NPLOC4: variants seen among roughly 807,000 people sequenced by gnomAD.
NPLOC4 encodes the protein nuclear protein localization protein 4 homolog.
NPLOC4 carries 18 observed loss-of-function variants against 80.6 expected under a neutral mutation model. The ratio of observed to expected loss-of-function variants is 0.22; its 90% CI spans 0.15 to 0.33. NPLOC4 has a LOEUF of 0.33. Ranked by LOEUF, NPLOC4 falls within the 10% of genes least tolerant of loss-of-function variation. The probability of loss-of-function intolerance (pLI) is 1.00; values close to 1 mark genes in which losing one functional copy is unlikely to be tolerated. For missense variants in NPLOC4, 540 were observed against 786.1 expected, an observed-to-expected ratio of 0.69 and a Z score of 3.74; for synonymous variants, 313 against 301.5, an observed-to-expected ratio of 1.04 and a Z score of -0.39.
In NPLOC4 at chr17:81,623,910, T is replaced by G. The variant is rs2035732703; in HGVS notation, c.97-1632A>C. Reference sequence around the variant, plus strand: ...TTTGCTAGATGCTGGGAATATTCACTCATTCCTTCAACAAATATTAAGCAG... The same window carrying G: ...TTTGCTAGATGCTGGGAATATTCACGCATTCCTTCAACAAATATTAAGCAG... On this transcript the variant is annotated intron_variant, in intron 2 of 16. Transcript: ENST00000331134. 2.0e-5 allele frequency among the ~76,000 whole-genome samples: 3 copies of G among 152,154 alleles called. No homozygotes were observed. The South Asian group carries it at 6.2e-4, about 31-fold the overall frequency.
intron 2 of NPLOC4, 66 bp from the exon 3 acceptor site, chr17:81,622,344 C>T (rs2035692062): frequency 5.4e-6 from 6 of 1,115,710 alleles, no homozygotes; most frequent in East Asian, 2.3e-5. Context: ...ATACCATACA[C>T]ACCAGACACT....
In NPLOC4 at chr17:81,618,342, G is replaced by C. The variant is rs748343326; in HGVS notation, c.209+3824C>G. Among the ~76,000 whole-genome samples the C allele has an allele frequency of 4.2e-3, 630 of 150,474 alleles. 1 individual carries two copies. Among genetic ancestry groups the C allele is most frequent in the South Asian group, 0.016 (74 of 4,740 alleles). ...TGGGATGTGAGGAGCGCCTCTGCCT[G>C]GCCGCGACCCCGTCTGGGAGGTGAG... On this transcript the variant is annotated intron_variant, in intron 3 of 16. Transcript: ENST00000331134.
intron 12 of NPLOC4, among the ~76,000 whole-genome samples, chr17:81,574,663 C>T (rs970165298): frequency 6.6e-6 from 1 of 152,138 alleles, no homozygotes; most frequent in African/African-American, 2.4e-5. Flanking sequence ...GAAGCAGTGG[C>T]GCCAAGGTCT....
intron 13 of NPLOC4, among the ~76,000 whole-genome samples, chr17:81,570,375 A>C (rs574320492): frequency 1.4e-3 from 209 of 152,320 alleles, no homozygotes; most frequent in African/African-American, 4.8e-3. Context: ...AGCTGAAGAC[A>C]GGGGAGGTGC....
In NPLOC4 at chr17:81,567,476, T is replaced by C; in HGVS notation, c.1507A>G (p.Thr503Ala). Residue 503 changes from threonine (T) to alanine (A), a missense_variant, in exon 15 of 17, where the codon ACC (threonine) becomes GCC (alanine). By Grantham distance (58) the Thr-to-Ala change is moderately conservative. Transcript: ENST00000331134. This position sits in a 1 kb window ranked among gnomAD's most constrained non-coding sequence, Gnocchi z 4.5. ...SQNTSSVFLD[T>A]ISDFHLLLFL... The stretch of plus-strand genomic sequence containing the variant: ...AGCAAGAGGTGGAAATCTGAGATGG[T>C]ATCCAAGAACACAGATGAGGTATTC... The C allele has an allele frequency of 6.2e-7, 1 of 1,613,814 alleles. No homozygotes were observed. The highest frequency in any genetic ancestry group is 1.7e-5 in the Admixed American group (1 of 59,988).
chr17:81,560,338 G>A (rs12948497), intron 16 of NPLOC4, among the ~76,000 whole-genome samples: 3,100 of 152,178 alleles, frequency 0.02, 48 homozygotes, highest in South Asian at 0.055. Flanking sequence ...CCATGAACCC[G>A]GGAGGGGAAG....
At chr17:81,585,359 T>C (rs964724810) in intron 12 of NPLOC4, among the ~76,000 whole-genome samples, 1 of 151,786 alleles carries the variant, frequency 6.6e-6, no homozygotes, top group Non-Finnish European at 1.5e-5. Context: ...TATAGCTGAT[T>C]ATCCACATCG....
At chr17:81,587,515 C>T (rs1484810718) in intron 12 of NPLOC4, among the ~76,000 whole-genome samples, 1 of 149,982 alleles carries the variant, frequency 6.7e-6, no homozygotes, top group Non-Finnish European at 1.5e-5. Context: ...CGGGGTTTCA[C>T]CGTGTTAGCC....
At chr17:81,568,970 A>T in intron 14 of NPLOC4, 46 bp downstream of exon 14, 5 of 1,172,942 alleles carry the variant, frequency 4.3e-6, no homozygotes, top group Non-Finnish European at 6.4e-6. Context: ...ACTAGATAAC[A>T]ATCAGCAGTT....
chr17:81,565,343 G>A, intron 16 of NPLOC4, 162 bp downstream of exon 16: 1 of 721,386 alleles, frequency 1.4e-6, no homozygotes, highest in Non-Finnish European at 2.5e-6. Context: ...CCACGTGCCT[G>A]GCAGGGAGGC....
intron 2 of NPLOC4, among the ~76,000 whole-genome samples, chr17:81,628,547 G>A (rs928710381): frequency 2.0e-5 from 3 of 151,832 alleles, no homozygotes; most frequent in Non-Finnish European, 4.4e-5. Context: ...ATAAACACAG[G>A]GCAAAACGAA....
chr17:81,581,840 A>T (rs919745928), intron 12 of NPLOC4, among the ~76,000 whole-genome samples: 6 of 152,228 alleles, frequency 3.9e-5, no homozygotes, highest in African/African-American at 1.4e-4. Context: ...CACACATCAC[A>T]CAGACGCAGG....
At chr17:81,623,614 C>T (rs182915996) in intron 2 of NPLOC4, among the ~76,000 whole-genome samples, 2,724 of 150,998 alleles carry the variant, frequency 0.018, 78 homozygotes, top group African/African-American at 0.062. Flanking sequence ...CTGGCTAACA[C>T]GGTGAAACCC....
At chr17:81,563,900 T>C (rs1307164737) in intron 16 of NPLOC4, 2 of 453,992 alleles carry the variant, frequency 4.4e-6, no homozygotes, top group South Asian at 1.6e-5. Context: ...AAGTGGGAGC[T>C]AAACATGGGT....
At chr17:81,562,548 A>T (rs1568113187) in intron 16 of NPLOC4, 1 of 152,050 alleles carries the variant, frequency 6.6e-6, no homozygotes, top group Non-Finnish European at 1.5e-5. Context: ...CAAAACAAAC[A>T]AACAAAAAAC....
chr17:81,572,179 A>T lies in NPLOC4; in HGVS notation c.1282-91T>A, dbSNP rs565656249. ...TGCTTGTCTCACCTTTTATTTAATT[A>T]ATTAATTTATTTATTTATTTATTTT... On this transcript the variant is annotated intron_variant, in intron 12 of 16. Transcript: ENST00000331134. The surrounding 1 kb of genome is among the most constrained non-coding windows in gnomAD (Gnocchi z 4.5). 4.1e-5 allele frequency: 24 copies of T among 591,656 alleles called. No homozygotes were observed. The highest frequency in any genetic ancestry group is 3.3e-4 in the African/African-American group (17 of 50,976). The allele number at this position is 591,656 out of a possible 1,614,324, so 36.7% of individuals were successfully genotyped here. A position where few individuals can be genotyped will look rare whatever the true frequency, so the allele number is the denominator to read the frequency against.
chr17:81,588,190 G>A (rs1471930450), intron 12 of NPLOC4: 1 of 152,178 alleles, frequency 6.6e-6, no homozygotes, highest in East Asian at 1.9e-4. Context: ...GAAGAAGACT[G>A]AAATGAAATG....
chr17:81,606,858 T>C lies in NPLOC4; in HGVS notation c.531-44A>G, dbSNP rs62074677. The C allele has an allele frequency of 0.097, 153,018 of 1,584,700 alleles. 7,893 individuals are homozygous for C. The highest frequency in any genetic ancestry group is 0.14 in the Middle Eastern group (802 of 5,760). On this transcript the variant is annotated intron_variant, in intron 6 of 16. Transcript: ENST00000331134. ...ACTTAAACATCACATTGGTGAAAAGTTGAGCAAGAGGCTGGAAATGACATG... is the reference window on the plus strand; with the variant it reads ...ACTTAAACATCACATTGGTGAAAAGCTGAGCAAGAGGCTGGAAATGACATG...
chr17:81,563,974 G>A (rs540069271), intron 16 of NPLOC4: 33 of 451,312 alleles, frequency 7.3e-5, no homozygotes, highest in East Asian at 1.4e-4. Flanking sequence ...CCAGCTACTC[G>A]GGAGGCTGAG....
Sources: allele counts gnomAD v4.1 joint callset (sites outside exome capture counted in the v4.1 genomes callset), GRCh38; gene constraint gnomAD v4.1.1; non-coding constraint Gnocchi (gnomAD v3.1); transcripts MANE v1.5; gene names NCBI Gene and HGNC (gene_info 2026-07-23, HGNC 2026-07-21).